Variants in SLC12A4 observed in about 807,000 individuals in gnomAD.
The protein encoded by SLC12A4 is electroneutral potassium-chloride cotransporter 1.
In SLC12A4, 84 loss-of-function variants were observed where a neutral mutation model predicts 119.2. That is an observed-to-expected ratio of 0.70 (90% confidence interval 0.59 to 0.85). The LOEUF (loss-of-function observed/expected upper bound fraction) is 0.85. SLC12A4 is among the 40% of genes least tolerant of loss of function. The pLI, the probability that SLC12A4 is intolerant of heterozygous loss-of-function variation, is 0.00. For missense variants in SLC12A4, 1,298 were observed against 1,476.3 expected, an observed-to-expected ratio of 0.88 and a Z score of 1.98; for synonymous variants, 599 against 604.6, an observed-to-expected ratio of 0.99 and a Z score of 0.14.
Position 67,944,618 on chromosome 16 carries a change from T to G in SLC12A4, c.*222A>C. On this transcript the variant is annotated 3_prime_UTR_variant, in exon 24 of 24. Transcript: ENST00000316341. The surrounding 1 kb of genome is among the most constrained non-coding windows in gnomAD (Gnocchi z 6.6). ...AGGACAGGCCTACTGGGGTGCTAGA[T>G]AGTAAAGTCCCCAAACATCCCAGGG... 7.1e-7 allele frequency: 1 copy of G among 1,403,416 alleles called. No individual in the cohort carries two copies. Among genetic ancestry groups the G allele is most frequent in the Non-Finnish European group, 9.3e-7 (1 of 1,080,930 alleles). The allele number at this position is 1,403,416 out of a possible 1,614,324, so 86.9% of individuals were successfully genotyped here. A position where few individuals can be genotyped will look rare whatever the true frequency, so the allele number is the denominator to read the frequency against.
chr16:67,947,014 T>C lies in SLC12A4; in HGVS notation c.2164A>G (p.Lys722Glu). The change falls in exon 17 of 24, where the codon AAG (lysine) becomes GAG (glutamate). Residue 722 changes from lysine to glutamate, a missense_variant. Coordinates refer to ENST00000316341, the MANE Select transcript of SLC12A4 (RefSeq NM_005072.5). ...ACAGAACCAACAATGGTCAGGCCCTTGCCAGCCTTGAGCTGGGAGGCGAAG... is the reference window on the plus strand; with the variant it reads ...ACAGAACCAACAATGGTCAGGCCCTCGCCAGCCTTGAGCTGGGAGGCGAAG... ...LTFASQLKAG[K>E]GLTIVGSVIQ... The C allele has an allele frequency of 1.2e-6, 2 of 1,613,194 alleles. No individual in the cohort carries two copies. Among genetic ancestry groups the C allele is most frequent in the Non-Finnish European group, 1.7e-6 (2 of 1,180,018 alleles).
chr16:67,952,163 A>G, intron 7 of SLC12A4, 21 bp downstream of exon 7: 1 of 1,613,324 alleles, frequency 6.2e-7, no homozygotes, highest in Middle Eastern at 1.7e-4. Context: ...CAATGCCCAG[A>G]TAAATTCCTG....
intron 1 of SLC12A4, 51 bp downstream of exon 1, chr16:67,968,388 C>A: frequency 6.8e-7 from 1 of 1,477,404 alleles, no homozygotes; most frequent in Non-Finnish European, 9.0e-7. Context: ...ATGGCGGCCC[C>A]GGGTGGCAGG....
At position 67,949,787 on chromosome 16, in the gene SLC12A4, G is replaced by A. The variant is rs535314840; in HGVS notation, c.1748+13C>T. ...CTTTCCCCATCCCCCTGCCCTGCCC[G>A]GCCCCAGCTCACATGGATAAGATGG... On this transcript the variant is annotated intron_variant, in intron 13 of 23. Transcript: ENST00000316341. The surrounding 1 kb of genome is among the most constrained non-coding windows in gnomAD (Gnocchi z 4.6). The A allele has an allele frequency of 1.1e-5, 18 of 1,587,030 alleles. No homozygotes were observed. Among genetic ancestry groups the A allele is most frequent in the Non-Finnish European group, 1.1e-5 (13 of 1,159,596 alleles).
rs1218758313 is a variant in SLC12A4 at position 67,968,556 on chromosome 16, T to G, written c.-3A>C. 1.3e-6 allele frequency: 2 copies of G among 1,542,510 alleles called. No individual in the cohort carries two copies. The highest frequency in any genetic ancestry group is 5.2e-5 in the East Asian group (2 of 38,298). On this transcript the variant is annotated 5_prime_UTR_variant, in exon 1 of 24. Transcript: ENST00000316341. ...GGCACCACGGTGAAGTGAGGCATCG[T>G]GCGGGCTCGGCCCCGCCGCACCCGC...
chr16:67,951,120 G>C lies in SLC12A4; in HGVS notation c.1297+20C>G. 1 of 1,613,770 alleles carries C rather than the reference G, an allele frequency of 6.2e-7. No individual in the cohort carries two copies. The highest frequency in any genetic ancestry group is 8.5e-7 in the Non-Finnish European group (1 of 1,179,748). On this transcript the variant is annotated intron_variant, in intron 9 of 23. Coordinates refer to ENST00000316341, the MANE Select transcript of SLC12A4 (RefSeq NM_005072.5). The surrounding 1 kb of genome is among the most constrained non-coding windows in gnomAD (Gnocchi z 5.2). Reference sequence around the variant, plus strand: ...CCGGGATTGGGGACAGGGCTGGGTGGGTAGGCAGGCAGGGCTCACCTGTTA... The same window carrying C: ...CCGGGATTGGGGACAGGGCTGGGTGCGTAGGCAGGCAGGGCTCACCTGTTA...
chr16:67,951,922 T>C lies in SLC12A4; in HGVS notation c.1033A>G (p.Ser345Gly). The C allele has an allele frequency of 6.2e-7, 1 of 1,614,028 alleles. No individual in the cohort carries two copies. Residue 345 changes from serine to glycine, a missense_variant, in exon 8 of 24, where the codon AGC (serine) becomes GGC (glycine). Ser to Gly is a moderately conservative substitution (Grantham distance 56). Transcript: ENST00000316341. The surrounding 1 kb of genome is among the most constrained non-coding windows in gnomAD (Gnocchi z 5.2). ...ATQLWSFFCH[S>G]PNLTTDSCDP... Reference sequence around the variant, plus strand: ...CAGGAGTCGGTCGTAAGGTTGGGGCTGTGGCAGAAGAAACTCCATAGCTGG... The same window carrying C: ...CAGGAGTCGGTCGTAAGGTTGGGGCCGTGGCAGAAGAAACTCCATAGCTGG...
At position 67,945,889 on chromosome 16, in the gene SLC12A4, C is replaced by G. The variant is rs374200833; in HGVS notation, c.2740-18G>C. The G allele has an allele frequency of 1.4e-5, 23 of 1,613,614 alleles. No homozygotes were observed. In the African/African-American group the frequency reaches 3.1e-4, roughly 22 times the overall value. On this transcript the variant is annotated intron_variant, in intron 20 of 23. Coordinates refer to ENST00000316341, the MANE Select transcript of SLC12A4 (RefSeq NM_005072.5). ...CTGTTATGCTGGGGACAGGGTTGGC[C>G]GTGAGGACCCAGCTGCACGGGACAT...
In SLC12A4 at chr16:67,943,941, G is replaced by T. The variant is rs574650706; in HGVS notation, c.*899C>A. The T allele has an allele frequency of 2.6e-6, 4 of 1,544,402 alleles. No homozygotes were observed. The East Asian group carries it at 9.8e-5, about 38-fold the overall frequency. On this transcript the variant is annotated 3_prime_UTR_variant, in exon 24 of 24. Coordinates refer to ENST00000316341, the MANE Select transcript of SLC12A4 (RefSeq NM_005072.5). The surrounding 1 kb of genome is among the most constrained non-coding windows in gnomAD (Gnocchi z 4.6). ...CGTGGTGCATCAGGGGCCTGGTGGG[G>T]GCTTACCGAGGATGACGGGCCGTGT...
chr16:67,963,396 G>C, intron 2 of SLC12A4, 69 bp downstream of exon 2: 1 of 1,037,138 alleles, frequency 9.6e-7, no homozygotes, highest in Non-Finnish European at 1.4e-6. Context: ...AGGCCCACGT[G>C]TCCAGCCTGC....
chr16:67,948,238 A>C, intron 13 of SLC12A4, 79 bp from the exon 14 acceptor site: 1 of 1,402,212 alleles, frequency 7.1e-7, no homozygotes, highest in Non-Finnish European at 1.0e-6. Context: ...CCTGGCCCAG[A>C]AACGGGGCGT....
At chr16:67,967,652 G>A (rs147329698) in intron 1 of SLC12A4, among the ~76,000 whole-genome samples, 3,047 of 152,296 alleles carry the variant, frequency 0.02, 54 homozygotes, top group Non-Finnish European at 0.033. Context: ...AAGGAGGAGG[G>A]AGATGGGGCT....
chr16:67,945,251 C>T, intron 22 of SLC12A4, 31 bp from the exon 23 acceptor site: 1 of 1,552,710 alleles, frequency 6.4e-7, no homozygotes, highest in Non-Finnish European at 8.7e-7. Context: ...CACAGGTCGC[C>T]ATGAGCCATC....
Position 67,968,428 on chromosome 16 carries a change from C to A in SLC12A4, c.115+11G>T. 3 of 1,563,998 alleles carry A rather than the reference C, an allele frequency of 1.9e-6. No individual in the cohort carries two copies. Among genetic ancestry groups the A allele is most frequent in the Non-Finnish European group, 1.7e-6 (2 of 1,162,468 alleles). On this transcript the variant is annotated intron_variant, in intron 1 of 23. Transcript: ENST00000316341. Reference sequence around the variant, plus strand: ...GCTGCCCCGCCACGGCCCCTCAGAACGCGCCCTCACCGTCCGAGTCATCCA... The same window carrying A: ...GCTGCCCCGCCACGGCCCCTCAGAAAGCGCCCTCACCGTCCGAGTCATCCA...
In SLC12A4 at chr16:67,945,204, G is replaced by A. The variant is rs772409846; in HGVS notation, c.3049C>T (p.Arg1017Trp). 51 of 1,561,740 alleles carry A rather than the reference G, an allele frequency of 3.3e-5. No individual in the cohort carries two copies. In the South Asian group the frequency reaches 4.1e-4, roughly 13 times the overall value. The change falls in exon 23 of 24, where the codon CGG becomes TGG. Residue 1017 changes from arginine (R) to tryptophan (W), a missense_variant. Coordinates refer to ENST00000316341, the MANE Select transcript of SLC12A4 (RefSeq NM_005072.5). Reference protein sequence around the residue: ...VHIKPDQSNVRRMHTAVKLNE... With the variant: ...VHIKPDQSNVWRMHTAVKLNE... ...AGCTTCACAGCAGTGTGCATGCGCCGCACATTGGATTGGTCCCTACACGTA... is the reference window on the plus strand; with the variant it reads ...AGCTTCACAGCAGTGTGCATGCGCCACACATTGGATTGGTCCCTACACGTA...
In SLC12A4 at chr16:67,951,909, G is replaced by T. The variant is rs140443524; in HGVS notation, c.1046C>A (p.Thr349Lys). The T allele has an allele frequency of 4.3e-6, 7 of 1,614,000 alleles. No homozygotes were observed. Among genetic ancestry groups the T allele is most frequent in the Non-Finnish European group, 5.9e-6 (7 of 1,180,040 alleles). Residue 349 changes from threonine to lysine, a missense_variant, in exon 8 of 24, where the codon ACG becomes AAG. By Grantham distance (78) the Thr-to-Lys change is moderately conservative. Transcript: ENST00000316341. This position sits in a 1 kb window ranked among gnomAD's most constrained non-coding sequence, Gnocchi z 5.2. ...WSFFCHSPNLTTDSCDPYFML... is the reference protein window; with the variant it reads ...WSFFCHSPNLKTDSCDPYFML... ...GAAGTAGGGGTCACAGGAGTCGGTC[G>T]TAAGGTTGGGGCTGTGGCAGAAGAA...
chr16:67,945,517 G>T lies in SLC12A4; in HGVS notation c.2884C>A (p.Leu962Met). 1.2e-6 allele frequency: 2 copies of T among 1,614,018 alleles called. No homozygotes were observed. The highest frequency in any genetic ancestry group is 2.2e-5 in the South Asian group (2 of 91,078). Residue 962 changes from leucine to methionine, a missense_variant, in exon 22 of 24, where the codon CTG (leucine) becomes ATG (methionine). Coordinates refer to ENST00000316341, the MANE Select transcript of SLC12A4 (RefSeq NM_005072.5). Reference sequence around the variant, plus strand: ...TCCTCGTCCGAGTACAGGCTCTCCAGCCGCAGGGCCGAGTGCCGATCCTTG... The same window carrying T: ...TCCTCGTCCGAGTACAGGCTCTCCATCCGCAGGGCCGAGTGCCGATCCTTG... ...LVKDRHSALR[L>M]ESLYSDEEDE...
intron 3 of SLC12A4, among the ~76,000 whole-genome samples, chr16:67,959,581 C>A (rs551766393): frequency 1.3e-5 from 2 of 152,170 alleles, no homozygotes; most frequent in African/African-American, 2.4e-5. Context: ...ACCTGTCCTG[C>A]GTGGAGCAGT....
intron 3 of SLC12A4, among the ~76,000 whole-genome samples, chr16:67,960,699 C>T (rs1330540510): frequency 6.6e-6 from 1 of 151,500 alleles, no homozygotes; most frequent in Non-Finnish European, 1.5e-5. Flanking sequence ...GGTCCCTAGC[C>T]TCCAAATGAA....
Sources: gnomAD v4.1 joint callset for allele counts (sites outside exome capture counted in the v4.1 genomes callset) on GRCh38, gnomAD v4.1.1 for gene constraint, Gnocchi (gnomAD v3.1) non-coding constraint, MANE v1.5 for transcripts, NCBI Gene and HGNC (gene_info 2026-07-23, HGNC 2026-07-21) for gene names.